Variants in EBF1 observed in about 807,000 individuals in gnomAD.
The protein encoded by EBF1 is EBF transcription factor 1.
EBF1 carries 10 observed loss-of-function variants against 68.4 expected under a neutral mutation model. That is an observed-to-expected ratio of 0.15 (90% CI 0.09 to 0.25). EBF1 has a LOEUF of 0.25. Among genes scored for constraint, EBF1 ranks in the 10% least tolerant of loss-of-function variants. The pLI, the probability that EBF1 is intolerant of heterozygous loss-of-function variation, is 1.00. For missense variants in EBF1, 509 were observed against 794.4 expected (o/e 0.64, Z 4.32); for synonymous variants, 298 against 299.8 (o/e 0.99, Z 0.06).
chr5:158,704,848 G>A (rs1757524680), intron 15 of EBF1, among the ~76,000 whole-genome samples: 1 of 152,126 alleles, frequency 6.6e-6, no homozygotes, highest in Non-Finnish European at 1.5e-5. Context: ...CACAGCACCT[G>A]GGGGTGCAGT....
chr5:158,929,609 A>T (rs1810407191), intron 6 of EBF1, among the ~76,000 whole-genome samples: 1 of 152,214 alleles, frequency 6.6e-6, no homozygotes, highest in Non-Finnish European at 1.5e-5. Context: ...CTAATTAGCA[A>T]ATTATGTTGA....
chr5:159,084,632 G>T, intron 5 of EBF1, 34 bp downstream of exon 5: 3 of 1,482,018 alleles, frequency 2.0e-6, no homozygotes, highest in Non-Finnish European at 2.7e-6. Context: ...TCTTCTCTTT[G>T]CTAATTAACG....
In EBF1 at chr5:158,991,559, C is replaced by T. The variant is rs1273127510; in HGVS notation, c.554+81837G>A. 2.0e-5 allele frequency among the ~76,000 whole-genome samples: 3 copies of T among 152,220 alleles called. No individual in the cohort carries two copies. In the East Asian group the frequency reaches 5.8e-4, roughly 29 times the overall value. On this transcript the variant is annotated intron_variant, in intron 6 of 15. Transcript: ENST00000313708. The stretch of plus-strand genomic sequence containing the variant: ...GCGCGCACACACAATTGTTCACTGT[C>T]AAGAAAATATATCAAGCCTGAGATG...
rs190881580 is a variant in EBF1 at position 158,914,264 on chromosome 5, A to G, written c.555-74154T>C. ...CTGTTACCCGAGACCTGGATCAGGG[A>G]AGGTGCTTATTAATATCATGGAGAT... On this transcript the variant is annotated intron_variant, in intron 6 of 15. Transcript: ENST00000313708. Among the ~76,000 whole-genome samples the G allele has an allele frequency of 2.0e-5, 3 of 152,166 alleles. No homozygotes were observed. In the East Asian group the frequency reaches 5.8e-4, roughly 29 times the overall value.
At chr5:158,861,842 TAA>T (rs33912710) in intron 6 of EBF1, among the ~76,000 whole-genome samples, 2 of 146,706 alleles carry the variant, frequency 1.4e-5, no homozygotes, top group African/African-American at 5.0e-5. Flanking sequence ...TGATTTATTG[TAA>T]AAAAAAAAAA....
At chr5:158,783,903 A>C (rs1253654196) in intron 9 of EBF1, among the ~76,000 whole-genome samples, 1 of 152,220 alleles carries the variant, frequency 6.6e-6, no homozygotes, top group Non-Finnish European at 1.5e-5. Context: ...GAAGAGGACA[A>C]TCTTCTACAT....
At chr5:158,897,813 A>G (rs1451553495) in intron 6 of EBF1, among the ~76,000 whole-genome samples, 1 of 152,182 alleles carries the variant, frequency 6.6e-6, no homozygotes, top group Non-Finnish European at 1.5e-5. Context: ...TTATAAGATG[A>G]TTAGTTTGGA....
At chr5:159,030,532 C>T (rs1452822938) in intron 6 of EBF1, among the ~76,000 whole-genome samples, 4 of 152,130 alleles carry the variant, frequency 2.6e-5, no homozygotes, top group Admixed American at 1.3e-4. Context: ...CCTGCAGAGG[C>T]GAGCCTTTGT....
intron 3 of EBF1, among the ~76,000 whole-genome samples, chr5:159,095,937 G>C (rs759761645): frequency 6.6e-6 from 1 of 152,200 alleles, no homozygotes; most frequent in Non-Finnish European, 1.5e-5. Context: ...GACTGGGATG[G>C]GGGTACCCCG....
chr5:159,048,810 G>A (rs1772962672), intron 6 of EBF1, among the ~76,000 whole-genome samples: 1 of 152,158 alleles, frequency 6.6e-6, no homozygotes, highest in South Asian at 2.1e-4. Flanking sequence ...CTTTCACTCT[G>A]GCTGATGAAT....
At chr5:158,999,784 C>G (rs778833142) in intron 6 of EBF1, among the ~76,000 whole-genome samples, 1 of 152,300 alleles carries the variant, frequency 6.6e-6, no homozygotes, top group Admixed American at 6.5e-5. Context: ...CCTCTATCCA[C>G]CATTACAGAC....
At chr5:158,974,289 A>T (rs1463734486) in intron 6 of EBF1, among the ~76,000 whole-genome samples, 1 of 152,178 alleles carries the variant, frequency 6.6e-6, no homozygotes, top group Non-Finnish European at 1.5e-5. Flanking sequence ...AAGTCTGGAA[A>T]ATTACCTAAA....
chr5:158,807,301 A>G (rs1037855423), intron 8 of EBF1, among the ~76,000 whole-genome samples: 1 of 152,114 alleles, frequency 6.6e-6, no homozygotes, highest in Non-Finnish European at 1.5e-5. Context: ...ATGAAATGGG[A>G]TGAGGAGATG....
intron 6 of EBF1, among the ~76,000 whole-genome samples, chr5:159,023,311 C>T (rs1318942514): frequency 6.6e-6 from 1 of 152,068 alleles, no homozygotes; most frequent in African/African-American, 2.4e-5. Flanking sequence ...CACTAAAAAC[C>T]TTATGAAAAA....
At chr5:159,096,708 G>C (rs1782680935) in intron 2 of EBF1, 1 of 607,296 alleles carries the variant, frequency 1.6e-6, no homozygotes, top group Non-Finnish European at 2.9e-6. Context: ...GTGGAGGGCG[G>C]GTTCATTCCG....
At chr5:158,868,715 G>A (rs1031388588) in intron 6 of EBF1, among the ~76,000 whole-genome samples, 1 of 152,150 alleles carries the variant, frequency 6.6e-6, no homozygotes, top group Admixed American at 6.5e-5. Flanking sequence ...ATTACATGGT[G>A]CCCCTGTCTC....
intron 6 of EBF1, among the ~76,000 whole-genome samples, chr5:158,963,805 T>C (rs1753555923): frequency 6.6e-6 from 1 of 151,952 alleles, no homozygotes; most frequent in Non-Finnish European, 1.5e-5. Context: ...CTAGTGTAAA[T>C]TCTTGTTGAG....
chr5:158,853,588 A>G (rs894031725), intron 6 of EBF1, among the ~76,000 whole-genome samples: 1 of 152,206 alleles, frequency 6.6e-6, no homozygotes, highest in African/African-American at 2.4e-5. Context: ...AAGAGCTTAC[A>G]TCATACAATG....
intron 7 of EBF1, among the ~76,000 whole-genome samples, chr5:158,826,349 G>A (rs1173316030): frequency 3.9e-5 from 6 of 152,066 alleles, no homozygotes; most frequent in Non-Finnish European, 7.4e-5. Flanking sequence ...TAAACTAAAC[G>A]ACATTTTAGA....
Sources: allele counts gnomAD v4.1 joint callset (sites outside exome capture counted in the v4.1 genomes callset), GRCh38; gene constraint gnomAD v4.1.1; transcripts MANE v1.5; gene names NCBI Gene and HGNC (gene_info 2026-07-23, HGNC 2026-07-21).